The following ZNF883 variants were observed in gnomAD, a reference collection of about 807,000 sequenced individuals.
ZNF883 encodes zinc finger protein 883.
exon 1 of ZNF883, chr9:112,998,073 G>A (rs1828382903): frequency 6.2e-7 from 1 of 1,613,972 alleles, no homozygotes; most frequent in Non-Finnish European, 8.5e-7. Context: ...TCTCCAGTAT[G>A]TATTCTTTGA....
exon 1 of ZNF883, chr9:112,997,214 T>C (rs753905444): frequency 1.1e-5 from 17 of 1,613,866 alleles, no homozygotes; most frequent in Non-Finnish European, 1.4e-5. Context: ...AGTACATTGA[T>C]AGGGTCTCTC....
downstream of ZNF883, among the ~76,000 whole-genome samples, chr9:112,992,960 G>T (rs986033926): frequency 1.3e-5 from 2 of 152,118 alleles, no homozygotes; most frequent in Non-Finnish European, 2.9e-5. Flanking sequence ...CTGGTTAATA[G>T]CTTCTGTAAT....
chr9:112,994,802 T>C (rs1427195675), downstream of ZNF883, among the ~76,000 whole-genome samples: 1 of 152,160 alleles, frequency 6.6e-6, no homozygotes, highest in Non-Finnish European at 1.5e-5. Context: ...AATTGGATTT[T>C]CTAATATTGA....
chr9:113,003,009 GATAA>G (rs1174668367), upstream of ZNF883, among the ~76,000 whole-genome samples: 3 of 152,158 alleles, frequency 2.0e-5, no homozygotes, highest in Non-Finnish European at 2.9e-5. Context: ...CCAGAACTGT[GATAA>G]ATAAATTTCT....
downstream of ZNF883, among the ~76,000 whole-genome samples, chr9:112,993,265 C>CT (rs972489733): frequency 9.2e-5 from 14 of 152,120 alleles, no homozygotes; most frequent in Admixed American, 3.3e-4. Flanking sequence ...TTTTGTGGGA[C>CT]TTTTTTGTTG....
At chr9:112,997,149 G>A (rs1370173220) in exon 1 of ZNF883, 3 of 1,608,322 alleles carry the variant, frequency 1.9e-6, no homozygotes, top group South Asian at 2.2e-5. Context: ...TTTCTGAAAT[G>A]AGTTTTCTGA....
upstream of ZNF883, chr9:112,998,276 CTTTACA>C (rs1828385954): frequency 6.8e-7 from 1 of 1,480,462 alleles, no homozygotes; most frequent in Non-Finnish European, 9.0e-7. Flanking sequence ...TGAACTATGG[CTTTACA>C]TTTATTTATT....
At chr9:112,988,167 A>G (rs751188547) in intron 1 of ZNF883, among the ~76,000 whole-genome samples, 5 of 152,122 alleles carry the variant, frequency 3.3e-5, no homozygotes, top group Admixed American at 6.6e-5. Flanking sequence ...TTTAAGTTCT[A>G]GGATACATGT....
chr9:112,996,945 A>G (rs554982422), downstream of ZNF883, among the ~76,000 whole-genome samples: 9 of 152,186 alleles, frequency 5.9e-5, no homozygotes, highest in South Asian at 1.7e-3. Flanking sequence ...TTCTCTTTCA[A>G]TAACACCTTT....
intron 2 of ZNF883, among the ~76,000 whole-genome samples, chr9:113,006,145 A>G (rs1274657860): frequency 2.6e-5 from 4 of 151,828 alleles, no homozygotes; most frequent in Non-Finnish European, 5.9e-5. Flanking sequence ...CAAGATGACA[A>G]CAAAAGCGAC....
chr9:112,998,200 T>C, exon 1 of ZNF883: 1 of 1,613,758 alleles, frequency 6.2e-7, no homozygotes, highest in South Asian at 1.1e-5. Context: ...AAGTGTAGCC[T>C]TTCCCACATT....
chr9:112,992,117 C>T (rs549145937), intron 1 of ZNF883, among the ~76,000 whole-genome samples: 4 of 152,066 alleles, frequency 2.6e-5, no homozygotes, highest in Admixed American at 6.6e-5. Flanking sequence ...AATTTGATCC[C>T]GTCATCATTG....
At chr9:113,001,872 C>A (rs1828429245), upstream of ZNF883, 2 of 152,154 alleles carry the variant, frequency 1.3e-5, no homozygotes, top group African/African-American at 4.8e-5. Flanking sequence ...AAGAAAAGGA[C>A]TATCATCTGT....
chr9:112,994,712 C>T (rs1323341952), downstream of ZNF883, among the ~76,000 whole-genome samples: 1 of 151,688 alleles, frequency 6.6e-6, no homozygotes, highest in Non-Finnish European at 1.5e-5. Flanking sequence ...TTGTAAATGT[C>T]ACTTCTTTCT....
downstream of ZNF883, among the ~76,000 whole-genome samples, chr9:112,994,847 T>G (rs1248247040): frequency 6.6e-6 from 1 of 152,186 alleles, no homozygotes; most frequent in African/African-American, 2.4e-5. Context: ...TTCTCTTCCT[T>G]TAAATTATTG....
At chr9:113,008,290 GA>G (rs11343200) in intron 2 of ZNF883, among the ~76,000 whole-genome samples, 105,507 of 152,006 alleles carry the variant, frequency 0.69, 37,481 homozygotes, top group East Asian at 0.89. Flanking sequence ...AACTCAAATA[GA>G]AAAATACAGA....
At chr9:113,002,905 A>C (rs1263613959), upstream of ZNF883, among the ~76,000 whole-genome samples, 1 of 152,202 alleles carries the variant, frequency 6.6e-6, no homozygotes. Flanking sequence ...GTAAGGATAC[A>C]GTGTTCACTG....
At chr9:112,997,002 A>T, downstream of ZNF883, 3 of 922,238 alleles carry the variant, frequency 3.3e-6, no homozygotes, top group Non-Finnish European at 4.7e-6. Context: ...ATAGCATATT[A>T]AGTAAATGAG....
chr9:113,009,793 C>T (rs576920318), intron 2 of ZNF883, among the ~76,000 whole-genome samples: 1 of 152,224 alleles, frequency 6.6e-6, no homozygotes, highest in South Asian at 2.1e-4. Context: ...CAGGCATGAG[C>T]CATCACGCCC....
Sources: gnomAD v4.1 joint callset for allele counts (sites outside exome capture counted in the v4.1 genomes callset) on GRCh38, gnomAD v4.1.1 for gene constraint, MANE v1.5 for transcripts, NCBI Gene and HGNC (gene_info 2026-07-23, HGNC 2026-07-21) for gene names.